The following GALNS variants were observed in gnomAD, a reference collection of about 807,000 sequenced individuals.
GALNS encodes N-acetylgalactosamine-6-sulfatase.
In GALNS, 65 loss-of-function variants were observed where a neutral mutation model predicts 65.9. The observed-to-expected ratio is 0.99, with a 90% CI of 0.81 to 1.21. The LOEUF (loss-of-function observed/expected upper bound fraction) is 1.21. Ranked by LOEUF, GALNS falls within the 50% of genes most tolerant of loss-of-function variation. The pLI is 0.00. For synonymous variants in GALNS, 346 were observed against 288.9 expected (o/e 1.20, Z -2.00); for missense variants, 776 against 700.7 (o/e 1.11, Z -1.21).
intron 9 of GALNS, among the ~76,000 whole-genome samples, chr16:88,831,178 C>A (rs529793786): frequency 6.6e-6 from 1 of 152,178 alleles, no homozygotes; most frequent in Admixed American, 6.5e-5. Flanking sequence ...CCCTACACAC[C>A]GAGAGCCACC....
chr16:88,836,328 C>T, intron 5 of GALNS, 61 bp from the exon 6 acceptor site: 1 of 1,336,618 alleles, frequency 7.5e-7, no homozygotes, highest in South Asian at 1.2e-5. Flanking sequence ...CCCGTTCTCC[C>T]TGATTTCACC....
intron 1 of GALNS, among the ~76,000 whole-genome samples, chr16:88,849,588 CT>C (rs1203242257): frequency 1.3e-5 from 2 of 151,992 alleles, no homozygotes; most frequent in African/African-American, 2.4e-5. Context: ...GTCAGGCCAA[CT>C]TTTTTGTATT....
At chr16:88,842,991 C>G in intron 1 of GALNS, 162 bp from the exon 2 acceptor site, 2 of 1,506,596 alleles carry the variant, frequency 1.3e-6, no homozygotes, top group Non-Finnish European at 1.8e-6. Flanking sequence ...GCATCGCCTG[C>G]GTGCGTGCAC....
At chr16:88,825,008 A>G (rs1388992618) in intron 10 of GALNS, 139 bp from the exon 11 acceptor site, 11 of 721,958 alleles carry the variant, frequency 1.5e-5, no homozygotes, top group Non-Finnish European at 2.1e-5. Context: ...GATGATTGAA[A>G]AGTAAAAAGG....
In GALNS at chr16:88,836,189, G is replaced by C. The variant is rs199726408; in HGVS notation, c.633+12C>G. On this transcript the variant is annotated intron_variant, in intron 6 of 13. Transcript: ENST00000268695. ...GCGTCCCACAGGGCGAGGATGGTGC[G>C]GTCCCCATCACCTGCAGGTAGATCT... 6.2e-7 allele frequency: 1 copy of C among 1,611,464 alleles called. No homozygotes were observed. Among genetic ancestry groups the C allele is most frequent in the African/African-American group, 1.3e-5 (1 of 74,890 alleles).
Position 88,837,205 on chromosome 16 carries a change from G to A in GALNS, c.566+417C>T, listed in dbSNP as rs551655286. 4.6e-5 allele frequency among the ~76,000 whole-genome samples: 7 copies of A among 152,322 alleles called. No homozygotes were observed. The East Asian group carries it at 9.7e-4, about 21-fold the overall frequency. ...ACCAGGACGGCTCTGTCTGGACAGC[G>A]GCTTTTGCTCCTGGTGTGGCTCCCA... On this transcript the variant is annotated intron_variant, in intron 5 of 13. Coordinates refer to ENST00000268695, the MANE Select transcript of GALNS (RefSeq NM_000512.5).
intron 2 of GALNS, chr16:88,842,438 C>A (rs1346535894): frequency 5.2e-5 from 29 of 562,374 alleles, no homozygotes; most frequent in Non-Finnish European, 1.3e-5. Context: ...CCCCAGGCGG[C>A]CACAGCACTC....
chr16:88,854,644 C>T (rs570120880), intron 1 of GALNS, among the ~76,000 whole-genome samples: 12 of 152,344 alleles, frequency 7.9e-5, no homozygotes, highest in African/African-American at 2.6e-4. Flanking sequence ...AGCCAACCTC[C>T]CACTGGGTCT....
chr16:88,820,414 C>T (rs1910082877), intron 12 of GALNS, among the ~76,000 whole-genome samples: 1 of 152,242 alleles, frequency 6.6e-6, no homozygotes, highest in Non-Finnish European at 1.5e-5. Flanking sequence ...CAGGCATGAA[C>T]CATGGCGACC....
chr16:88,825,439 C>T (rs1188560473), intron 10 of GALNS, among the ~76,000 whole-genome samples: 21 of 139,034 alleles, frequency 1.5e-4, no homozygotes, highest in Admixed American at 2.8e-4. Context: ...GTGTCTAGGG[C>T]TGGAGTGCCT....
rs150724303 is a variant in GALNS, at chr16:88,847,397, C to G, written c.121-4568G>C. On this transcript the variant is annotated intron_variant, in intron 1 of 13. Coordinates refer to ENST00000268695, the MANE Select transcript of GALNS (RefSeq NM_000512.5). ...AAAAAAATAAAAAACAAAAACCTGC[C>G]ACTTTTCTCCAAATTCACCCCATCC... is the stretch of plus-strand genomic sequence containing the variant. 1.7e-3 allele frequency among the ~76,000 whole-genome samples: 266 copies of G among 152,242 alleles called. 2 individuals are homozygous for G. Among genetic ancestry groups the G allele is most frequent in the African/African-American group, 6.0e-3 (250 of 41,536 alleles).
rs1011341881 is a variant in GALNS, at chr16:88,813,827, G to A, written c.*612C>T. 3.2e-5 allele frequency: 5 copies of A among 155,888 alleles called. No individual in the cohort carries two copies. The highest frequency in any genetic ancestry group is 1.9e-4 in the South Asian group (1 of 5,242). 9.7% of individuals were successfully genotyped at this position (155,888 alleles called of 1,614,324 possible). A position where few individuals can be genotyped will look rare whatever the true frequency, so the allele number is the denominator to read the frequency against. On this transcript the variant is annotated 3_prime_UTR_variant, in exon 14 of 14. Coordinates refer to ENST00000268695, the MANE Select transcript of GALNS (RefSeq NM_000512.5). Reference sequence around the variant, plus strand: ...GCTACACGCCTCCCTCATAATTAGCGTCCAGGGAAATTCCTTGTGGACAAA... The same window carrying A: ...GCTACACGCCTCCCTCATAATTAGCATCCAGGGAAATTCCTTGTGGACAAA...
Position 88,853,758 on chromosome 16 carries a change from C to T in GALNS, c.120+3000G>A, listed in dbSNP as rs144196941. Among the ~76,000 whole-genome samples, 164 of 152,268 alleles carry T rather than the reference C, an allele frequency of 1.1e-3. 1 individual carries two copies. The highest frequency in any genetic ancestry group is 3.2e-3 in the African/African-American group (132 of 41,544). On this transcript the variant is annotated intron_variant, in intron 1 of 13. Coordinates refer to ENST00000268695, the MANE Select transcript of GALNS (RefSeq NM_000512.5). ...TGCCCAGGGTACTACGAAGCCAGGC[C>T]GCGCTGGACCGTGGGTCAGTGAAAG...
intron 13 of GALNS, chr16:88,815,073 G>A (rs1318662502): frequency 1.2e-6 from 1 of 864,006 alleles, no homozygotes; most frequent in Non-Finnish European, 1.3e-6. Flanking sequence ...GTCAACCCCG[G>A]ACCCCAACCA....
chr16:88,836,338 C>A, intron 5 of GALNS, 71 bp from the exon 6 acceptor site: 1 of 1,244,234 alleles, frequency 8.0e-7, no homozygotes, highest in South Asian at 1.2e-5. Flanking sequence ...CTGATTTCAC[C>A]AGCAAAGCCA....
At chr16:88,815,129 A>G in intron 13 of GALNS, 2 of 985,428 alleles carry the variant, frequency 2.0e-6, no homozygotes, top group South Asian at 9.4e-5. Flanking sequence ...GGGCAGCTAC[A>G]CAGACGCTCC....
chr16:88,848,413 G>C (rs1189926713), intron 1 of GALNS, among the ~76,000 whole-genome samples: 6 of 152,086 alleles, frequency 3.9e-5, no homozygotes, highest in Non-Finnish European at 8.8e-5. Flanking sequence ...GGTGGATCAC[G>C]AGGTGGTCAG....
chr16:88,834,358 C>CT, intron 8 of GALNS, among the ~76,000 whole-genome samples: 1 of 116,328 alleles, frequency 8.6e-6, no homozygotes, highest in African/African-American at 3.4e-5. Flanking sequence ...GCTGCAGGGC[C>CT]CCCCCCCGCG....
At chr16:88,840,626 C>T in intron 4 of GALNS, 1 of 372,558 alleles carries the variant, frequency 2.7e-6, no homozygotes, top group African/African-American at 2.1e-5. Context: ...CAGGCAGCTC[C>T]TCCGCCACAG....
Sources: gnomAD v4.1 joint callset for allele counts (sites outside exome capture counted in the v4.1 genomes callset) on GRCh38, gnomAD v4.1.1 for gene constraint, MANE v1.5 for transcripts, NCBI Gene and HGNC (gene_info 2026-07-23, HGNC 2026-07-21) for gene names.